ETF1: variants seen among roughly 807,000 people sequenced by gnomAD.
ETF1 encodes the protein eukaryotic translation termination factor 1.
ETF1 carries 4 observed loss-of-function variants against 55.1 expected under a neutral mutation model. The ratio of observed to expected loss-of-function variants is 0.07; its 90% CI spans 0.04 to 0.17. ETF1 has a LOEUF of 0.17. ETF1 is among the 10% of genes least tolerant of loss of function. The probability of loss-of-function intolerance (pLI) is 1.00; values close to 1 mark genes in which losing one functional copy is unlikely to be tolerated. For synonymous variants in ETF1, 157 were observed against 182.3 expected, an observed-to-expected ratio of 0.86 and a Z score of 1.12; for missense variants, 142 against 523.6, an observed-to-expected ratio of 0.27 and a Z score of 7.11.
intron 2 of ETF1, chr5:138,519,369 ATC>A (rs796261348): frequency 4.4e-4 from 89 of 203,270 alleles, no homozygotes; most frequent in African/African-American, 1.8e-3. Flanking sequence ...CAGTTATGAA[ATC>A]TCTCTCTCTC....
Position 138,520,702 on chromosome 5 carries a change from C to T in ETF1, c.87-1835G>A, listed in dbSNP as rs146149680. On this transcript the variant is annotated intron_variant, in intron 2 of 10. Coordinates refer to ENST00000360541, the MANE Select transcript of ETF1 (RefSeq NM_004730.4). ...GTGTCACGTGATGCAGGCCTGTAGC[C>T]CTAGCTATTCAGGAGGCTGAGGCAG... 1.8e-3 allele frequency among the ~76,000 whole-genome samples: 271 copies of T among 152,164 alleles called. 1 individual carries two copies. The highest frequency in any genetic ancestry group is 6.1e-3 in the African/African-American group (255 of 41,518).
chr5:138,517,956 C>T, intron 3 of ETF1: 1 of 861,022 alleles, frequency 1.2e-6, no homozygotes, highest in Non-Finnish European at 1.4e-6. Flanking sequence ...AATCCCAGCA[C>T]TCTGGGAGGC....
In ETF1 at chr5:138,510,557, T is replaced by A. The variant is rs1764735872; in HGVS notation, c.1083+8A>T. ...ACGTATCATCAAACCAAGAAAATAATCACATACCTCTTTGTCTGTGAAATG... is the reference window on the plus strand; with the variant it reads ...ACGTATCATCAAACCAAGAAAATAAACACATACCTCTTTGTCTGTGAAATG... On this transcript the variant is annotated splice_region_variant and intron_variant, in intron 9 of 10. Transcript: ENST00000360541. 1 of 1,600,296 alleles carries A rather than the reference T, an allele frequency of 6.2e-7. No homozygotes were observed. Among genetic ancestry groups the A allele is most frequent in the Non-Finnish European group, 8.6e-7 (1 of 1,167,556 alleles).
Position 138,527,774 on chromosome 5 carries a change from TTTTC to T in ETF1, c.87-8911_87-8908del, listed in dbSNP as rs368302428. On this transcript the variant is annotated intron_variant, in intron 2 of 10. Coordinates refer to ENST00000360541, the MANE Select transcript of ETF1 (RefSeq NM_004730.4). ...CTAGGGGTTTGTAGGAAGTTCTTTC[TTTTC>T]TTTTTTTTTTTGAGAGGGGGTTTCC... 2.3e-3 allele frequency among the ~76,000 whole-genome samples: 351 copies of T among 151,864 alleles called. 4 individuals carry two copies. The highest frequency in any genetic ancestry group is 0.019 in the Admixed American group (288 of 15,256).
intron 2 of ETF1, among the ~76,000 whole-genome samples, chr5:138,527,183 T>C (rs1232959944): frequency 6.6e-6 from 1 of 152,186 alleles, no homozygotes; most frequent in Non-Finnish European, 1.5e-5. Flanking sequence ...TGTCCAGTCC[T>C]CCCACTATCA....
chr5:138,536,252 GA>G (rs1765924269), intron 2 of ETF1, among the ~76,000 whole-genome samples: 1 of 152,136 alleles, frequency 6.6e-6, no homozygotes, highest in South Asian at 2.1e-4. Flanking sequence ...GGAGATCTTA[GA>G]AGAACAAATG....
chr5:138,513,605 G>C lies in ETF1; in HGVS notation c.504C>G (p.Val168=). The C allele has an allele frequency of 6.2e-7, 1 of 1,610,432 alleles. No homozygotes were observed. Among genetic ancestry groups the C allele is most frequent in the Non-Finnish European group, 8.5e-7 (1 of 1,177,060 alleles). The part of the protein sequence containing the change: ...FGTLQGNTRE[V]LHKFTVDLPK... ...GGAGATCCACAGTGAATTTGTGCAG[G>C]ACTTCTCTTGTGTTTCCTTGGAGTG... The change falls in exon 5 of 11, where the codon GTC becomes GTG. Residue 168 remains valine (V), a synonymous_variant. Coordinates refer to ENST00000360541, the MANE Select transcript of ETF1 (RefSeq NM_004730.4).
chr5:138,518,605 A>AT (rs1223471920), intron 3 of ETF1, 87 bp downstream of exon 3: 1 of 1,113,330 alleles, frequency 9.0e-7, no homozygotes, highest in East Asian at 2.4e-5. Context: ...TTAAGGGAAC[A>AT]TTAGTGAACA....
rs981438188 is a variant in ETF1 at position 138,529,606 on chromosome 5, T to C, written c.87-10739A>G. 2.2e-5 allele frequency: 22 copies of C among 985,458 alleles called. No homozygotes were observed. In the African/African-American group the frequency reaches 3.7e-4, roughly 16 times the overall value. 61.0% of individuals were successfully genotyped at this position (985,458 alleles called of 1,614,324 possible). A position where few individuals can be genotyped will look rare whatever the true frequency, so the allele number is the denominator to read the frequency against. ...GGGCCTCTGCACTCAGATTCTCTTCTTGTTCTCATTGGTTTTAGGGGCACT... is the reference window on the plus strand; with the variant it reads ...GGGCCTCTGCACTCAGATTCTCTTCCTGTTCTCATTGGTTTTAGGGGCACT... On this transcript the variant is annotated intron_variant, in intron 2 of 10. Coordinates refer to ENST00000360541, the MANE Select transcript of ETF1 (RefSeq NM_004730.4).
At chr5:138,535,579 G>T (rs1295093534) in intron 2 of ETF1, among the ~76,000 whole-genome samples, 1 of 151,728 alleles carries the variant, frequency 6.6e-6, no homozygotes, top group Non-Finnish European at 1.5e-5. Context: ...AAATTAGCCG[G>T]CTGTGGTGGC....
intron 2 of ETF1, among the ~76,000 whole-genome samples, chr5:138,526,700 C>T (rs1394875444): frequency 6.6e-6 from 1 of 151,890 alleles, no homozygotes; most frequent in East Asian, 1.9e-4. Flanking sequence ...TCATGCCCAA[C>T]AGCTATTGTT....
At chr5:138,529,033 C>T (rs114660147) in intron 2 of ETF1, among the ~76,000 whole-genome samples, 5,131 of 152,060 alleles carry the variant, frequency 0.034, 262 homozygotes, top group African/African-American at 0.11. Flanking sequence ...GTAATCCCAG[C>T]AGGAGAATCG....
rs775332531 is a variant in ETF1 at position 138,508,269 on chromosome 5, G to A, written c.*36C>T. On this transcript the variant is annotated 3_prime_UTR_variant, in exon 11 of 11. Transcript: ENST00000360541. ...TATGCTCCTTGGGTTGGATGCTGGAGGGTGAGGCACGTTTTGCCGGACCCA... is the reference window on the plus strand; with the variant it reads ...TATGCTCCTTGGGTTGGATGCTGGAAGGTGAGGCACGTTTTGCCGGACCCA... 1.2e-6 allele frequency: 2 copies of A among 1,605,938 alleles called. No homozygotes were observed. The highest frequency in any genetic ancestry group is 2.2e-5 in the East Asian group (1 of 44,814).
At chr5:138,534,392 G>T (rs1226976681) in intron 2 of ETF1, among the ~76,000 whole-genome samples, 1 of 152,220 alleles carries the variant, frequency 6.6e-6, no homozygotes, top group Non-Finnish European at 1.5e-5. Context: ...TTTCTCTAGT[G>T]TTCTTACAAC....
chr5:138,521,677 C>T (rs1227512135), intron 2 of ETF1, among the ~76,000 whole-genome samples: 1 of 152,140 alleles, frequency 6.6e-6, no homozygotes, highest in Non-Finnish European at 1.5e-5. Context: ...CAGGCTTGTG[C>T]CACCAGGCCC....
chr5:138,531,842 T>C, intron 2 of ETF1, among the ~76,000 whole-genome samples: 1 of 152,052 alleles, frequency 6.6e-6, no homozygotes, highest in African/African-American at 2.4e-5. Context: ...GTCAGGAGAT[T>C]GAGATCACCC....
intron 2 of ETF1, among the ~76,000 whole-genome samples, chr5:138,542,167 C>T (rs898097262): frequency 1.3e-5 from 2 of 152,160 alleles, no homozygotes; most frequent in South Asian, 2.1e-4. Flanking sequence ...TTAACCAAAA[C>T]CTACCCAGCA....
At chr5:138,542,505 T>G in intron 2 of ETF1, 1 of 626,696 alleles carries the variant, frequency 1.6e-6, no homozygotes, top group South Asian at 2.5e-5. Context: ...AGCACCCGAG[T>G]CGGGTGGCAG....
chr5:138,508,558 C>T (rs1764642097), intron 10 of ETF1, 111 bp downstream of exon 10: 1 of 1,560,444 alleles, frequency 6.4e-7, no homozygotes, highest in African/African-American at 1.4e-5. Context: ...GCGTCAATCA[C>T]CTATCCCAGC....
Sources: allele counts gnomAD v4.1 joint callset (sites outside exome capture counted in the v4.1 genomes callset), GRCh38; gene constraint gnomAD v4.1.1; transcripts MANE v1.5; gene names NCBI Gene and HGNC (gene_info 2026-07-23, HGNC 2026-07-21).